Variants in RPGRIP1 observed in about 807,000 individuals in gnomAD.
RPGRIP1 encodes the protein RPGR interacting protein 1.
Under a neutral mutation model 157.9 loss-of-function variants are expected in RPGRIP1, and 128 were observed. That is an observed-to-expected ratio of 0.81 (90% CI 0.70 to 0.94). RPGRIP1 has a LOEUF of 0.94. RPGRIP1 is among the 40% of genes least tolerant of loss of function. RPGRIP1 has a pLI of 0.00. For synonymous variants in RPGRIP1, 554 were observed against 571.6 expected (o/e 0.97, Z 0.44); for missense variants, 1,486 against 1,545.8 (o/e 0.96, Z 0.65).
chr14:21,296,592 C>A (rs928501205), intron 3 of RPGRIP1, among the ~76,000 whole-genome samples: 31 of 151,926 alleles, frequency 2.0e-4, no homozygotes, highest in African/African-American at 7.0e-4. Flanking sequence ...CTCAAATGAT[C>A]CCCCCATCTT....
intron 1 of RPGRIP1, among the ~76,000 whole-genome samples, chr14:21,281,268 C>T (rs771975261): frequency 1.3e-4 from 20 of 152,140 alleles, no homozygotes; most frequent in South Asian, 6.2e-4. Context: ...GTGATCTGCC[C>T]GCCTTGGCCT....
In RPGRIP1 at chr14:21,307,749, G is replaced by A. The variant is rs2139168912; in HGVS notation, c.819G>A (p.Lys273=). 1 of 1,563,372 alleles carries A rather than the reference G, an allele frequency of 6.4e-7. No homozygotes were observed. Among genetic ancestry groups the A allele is most frequent in the Non-Finnish European group, 8.7e-7 (1 of 1,152,632 alleles). Reference sequence around the variant, plus strand: ...TCTGCAGAGCTTCCATTAAAGAGAAGGTAGAGCTGATTCGACTTAAGAAGC... The same window carrying A: ...TCTGCAGAGCTTCCATTAAAGAGAAAGTAGAGCTGATTCGACTTAAGAAGC... ...AAELRASIKE[K]VELIRLKKLL... is the part of the protein sequence containing the mutation. The change falls in exon 7 of 25, where the codon AAG becomes AAA. Residue 273 remains lysine, a synonymous_variant. Transcript: ENST00000400017.
Position 21,325,114 on chromosome 14 carries a change from A to T in RPGRIP1, c.2215+44A>T, listed in dbSNP as rs746697041. On this transcript the variant is annotated intron_variant, in intron 15 of 24. Transcript: ENST00000400017. ...CTGCGGCTCCTAAGCACCAATGCAGAATTTCCCAAAGCCTACAGTTGCTTT... is the reference window on the plus strand; with the variant it reads ...CTGCGGCTCCTAAGCACCAATGCAGTATTTCCCAAAGCCTACAGTTGCTTT... 6 of 1,561,536 alleles carry T rather than the reference A, an allele frequency of 3.8e-6. No individual in the cohort carries two copies. In the East Asian group the frequency reaches 1.4e-4, roughly 35 times the overall value.
At chr14:21,328,653 C>A (rs777343095) in intron 19 of RPGRIP1, 26 bp downstream of exon 19, 3 of 1,533,248 alleles carry the variant, frequency 2.0e-6, no homozygotes, top group African/African-American at 2.7e-5. Context: ...CTCTGAAGCA[C>A]TAAATTGTGG....
At chr14:21,328,925 C>T (rs768118723) in intron 19 of RPGRIP1, among the ~76,000 whole-genome samples, 3 of 152,006 alleles carry the variant, frequency 2.0e-5, no homozygotes, top group Non-Finnish European at 4.4e-5. Context: ...GGGTGGATCA[C>T]CTGAGGTCAG....
At chr14:21,307,621 G>C in intron 6 of RPGRIP1, 110 bp from the exon 7 acceptor site, 1 of 690,114 alleles carries the variant, frequency 1.4e-6, no homozygotes, top group South Asian at 1.7e-5. Context: ...TGGGTAAGAC[G>C]GGAAGGCAAG....
At chr14:21,297,834 A>ATTTTTTTCTTTCTTTCTTTCTTTCT (rs146421534) in intron 3 of RPGRIP1, among the ~76,000 whole-genome samples, 1 of 133,216 alleles carries the variant, frequency 7.5e-6, no homozygotes, top group African/African-American at 3.1e-5. Flanking sequence ...TCAATAAATT[A>ATTTTTTTCTTTCTTTCTTTCTTTCT]TTCTTTCTTT....
At position 21,349,225 on chromosome 14, in the gene RPGRIP1, C is replaced by A. The variant is rs1885900314; in HGVS notation, c.3748+923C>A. On this transcript the variant is annotated intron_variant, in intron 24 of 24. Transcript: ENST00000400017. ...AGCTGGGACTACAGGCACCTGCCAC[C>A]ACGCCAGCTAATTTTTGTATTTTTA... Among the ~76,000 whole-genome samples, 4 of 150,902 alleles carry A rather than the reference C, an allele frequency of 2.7e-5. No homozygotes were observed. The Admixed American group carries it at 2.7e-4, about 10-fold the overall frequency.
In RPGRIP1 at chr14:21,324,867, G is replaced by A. The variant is rs1348186141; in HGVS notation, c.2012G>A (p.Gly671Glu). The A allele has an allele frequency of 2.5e-6, 4 of 1,613,824 alleles. No individual in the cohort carries two copies. Among genetic ancestry groups the A allele is most frequent in the Non-Finnish European group, 3.4e-6 (4 of 1,179,896 alleles). Residue 671 changes from glycine (G) to glutamate (E), a missense_variant, in exon 15 of 25, where the codon GGG (glycine) becomes GAG (glutamate). Physicochemically the swap from Gly to Glu is moderately conservative, Grantham distance 98 (BLOSUM62 -2). Coordinates refer to ENST00000400017, the MANE Select transcript of RPGRIP1 (RefSeq NM_020366.4). ...ACCCACTGTACCCCATTATCTGTGG[G>A]GCCACAGCCCCTCTATGACTTCACC... is the stretch of plus-strand genomic sequence containing the variant. ...FETHCTPLSVGPQPLYDFTSQ... is the reference protein window; with the variant it reads ...FETHCTPLSVEPQPLYDFTSQ...
At chr14:21,283,385 C>T (rs920339796) in intron 1 of RPGRIP1, among the ~76,000 whole-genome samples, 1 of 151,724 alleles carries the variant, frequency 6.6e-6, no homozygotes, top group Non-Finnish European at 1.5e-5. Flanking sequence ...TCACTGCAAT[C>T]TCCGCCTCCT....
At chr14:21,284,765 T>C (rs1357537092) in intron 1 of RPGRIP1, among the ~76,000 whole-genome samples, 1 of 152,116 alleles carries the variant, frequency 6.6e-6, no homozygotes, top group African/African-American at 2.4e-5. Context: ...TTGGCCAAGC[T>C]GGTCTTGAAC....
intron 21 of RPGRIP1, among the ~76,000 whole-genome samples, chr14:21,339,826 A>C (rs1884805708): frequency 6.6e-6 from 1 of 152,218 alleles, no homozygotes; most frequent in African/African-American, 2.4e-5. Flanking sequence ...CTCTGTGGGC[A>C]CAAAATGGTG....
At position 21,294,598 on chromosome 14, in the gene RPGRIP1, C is replaced by T. The variant is rs929752463; in HGVS notation, c.86-79C>T. On this transcript the variant is annotated intron_variant, in intron 2 of 24. Transcript: ENST00000400017. ...TCAAGATAGATTTATGCTCTCTGGA[C>T]AAGATGTGATGAGACATCTAAAGGG... 16 of 1,353,396 alleles carry T rather than the reference C, an allele frequency of 1.2e-5. No individual in the cohort carries two copies. In the Admixed American group the frequency reaches 2.3e-4, roughly 19 times the overall value. 83.8% of individuals were successfully genotyped at this position (1,353,396 alleles called of 1,614,324 possible). A position where few individuals can be genotyped will look rare whatever the true frequency, so the allele number is the denominator to read the frequency against.
rs773540240 is a variant in RPGRIP1 at position 21,345,182 on chromosome 14, A to G, written c.3602A>G (p.Asp1201Gly). 9 of 1,612,808 alleles carry G rather than the reference A, an allele frequency of 5.6e-6. No homozygotes were observed. Among genetic ancestry groups the G allele is most frequent in the Non-Finnish European group, 7.6e-6 (9 of 1,178,958 alleles). ...RFLFDMLNGQ[D>G]PDQGHLKFTV... ...CTGTTCGACATGCTGAATGGACAAG[A>G]TCCTGATCAAGGACAGTAAGCATCT... Residue 1201 changes from aspartate to glycine, a missense_variant, in exon 23 of 25, where the codon GAT becomes GGT. Physicochemically the swap from Asp to Gly is moderately conservative, Grantham distance 94 (BLOSUM62 -1). Transcript: ENST00000400017.
At position 21,325,259 on chromosome 14, in the gene RPGRIP1, T is replaced by G. The variant is rs1324704801; in HGVS notation, c.2243T>G (p.Leu748Arg). ...IGAGGEEFGV[L>R]EYWMRLRFPI... ...GCTGGTGGAGAAGAGTTCGGGGTTC[T>G]AGAGTACTGGATGAGGCTGCGTTTC... The change falls in exon 16 of 25, where the codon CTA becomes CGA. Residue 748 changes from leucine to arginine, a missense_variant. Leu to Arg is a moderately radical substitution (Grantham distance 102, BLOSUM62 -2). Coordinates refer to ENST00000400017, the MANE Select transcript of RPGRIP1 (RefSeq NM_020366.4). 1 of 1,613,160 alleles carries G rather than the reference T, an allele frequency of 6.2e-7. No homozygotes were observed. The highest frequency in any genetic ancestry group is 8.5e-7 in the Non-Finnish European group (1 of 1,179,630).
chr14:21,300,705 CTTTTTTT>C lies in RPGRIP1; in HGVS notation c.219-240_219-234del, dbSNP rs918137131. On this transcript the variant is annotated intron_variant, in intron 3 of 24. Transcript: ENST00000400017. Reference sequence around the variant, plus strand: ...AAATACTATTGGGGTAGTGGCTCAACTTTTTTTTTTTTTTTTTTTTTTTTTTTACTAA... The same window carrying C: ...AAATACTATTGGGGTAGTGGCTCAACTTTTTTTTTTTTTTTTTTTTACTAA... Among the ~76,000 whole-genome samples, 34 of 73,504 alleles carry C rather than the reference CTTTTTTT, an allele frequency of 4.6e-4. No homozygotes were observed. In the East Asian group the frequency reaches 0.011, roughly 24 times the overall value. The allele number at this position is 73,504 out of a possible 152,430, so 48.2% of individuals were successfully genotyped here. A position where few individuals can be genotyped will look rare whatever the true frequency, so the allele number is the denominator to read the frequency against.
intron 20 of RPGRIP1, among the ~76,000 whole-genome samples, chr14:21,331,093 G>C (rs1566352444): frequency 1.3e-5 from 2 of 151,784 alleles, no homozygotes; most frequent in African/African-American, 4.8e-5. Context: ...ATTTTTAGTA[G>C]AGACAGGTTT....
chr14:21,281,062 G>A (rs1000142616), intron 1 of RPGRIP1, among the ~76,000 whole-genome samples: 137 of 150,856 alleles, frequency 9.1e-4, no homozygotes, highest in Non-Finnish European at 1.2e-3. Flanking sequence ...TCTCTCGTGA[G>A]GCTGGAGTGC....
Position 21,294,830 on chromosome 14 carries a change from ATTTTTTTTTTT to A in RPGRIP1, c.218+43_218+53del, listed in dbSNP as rs746359185. Reference sequence around the variant, plus strand: ...AAAAGGTACTTAGAGTTCTCCTTAAATTTTTTTTTTTTTTTTTTTTTTTTTTTTTTTTGAGA... The same window carrying A: ...AAAAGGTACTTAGAGTTCTCCTTAAATTTTTTTTTTTTTTTTTTTTTGAGA... On this transcript the variant is annotated intron_variant, in intron 3 of 24. Coordinates refer to ENST00000400017, the MANE Select transcript of RPGRIP1 (RefSeq NM_020366.4). The A allele has an allele frequency of 0.035, 27,237 of 772,944 alleles. 52 individuals are homozygous for A. Among genetic ancestry groups the A allele is most frequent in the East Asian group, 0.069 (850 of 12,276 alleles). 47.9% of individuals were successfully genotyped at this position (772,944 alleles called of 1,614,324 possible).
Sources: allele counts gnomAD v4.1 joint callset (sites outside exome capture counted in the v4.1 genomes callset), GRCh38; gene constraint gnomAD v4.1.1; transcripts MANE v1.5; gene names NCBI Gene and HGNC (gene_info 2026-07-23, HGNC 2026-07-21).